NUDT3: variants seen among roughly 807,000 people sequenced by gnomAD.
NUDT3 encodes the protein nudix hydrolase 3.
A neutral mutation model predicts 23.6 loss-of-function variants in NUDT3; 9 were observed. That is an observed-to-expected ratio of 0.38 (90% CI 0.23 to 0.66). NUDT3 has a LOEUF of 0.66. Ranked by LOEUF, NUDT3 falls within the 30% of genes least tolerant of loss-of-function variation. NUDT3 has a pLI of 0.52. For synonymous variants in NUDT3, 86 were observed against 82.6 expected (o/e 1.04, Z -0.22); for missense variants, 172 against 218.5 (o/e 0.79, Z 1.34).
chr6:34,359,353 A>G (rs545708571), intron 1 of NUDT3, among the ~76,000 whole-genome samples: 2 of 152,286 alleles, frequency 1.3e-5, no homozygotes, highest in African/African-American at 4.8e-5. Context: ...AGCCTGGGGG[A>G]CAAGAGCAAG....
chr6:34,316,027 T>G (rs1022872557), intron 2 of NUDT3, among the ~76,000 whole-genome samples: 1 of 152,176 alleles, frequency 6.6e-6, no homozygotes, highest in African/African-American at 2.4e-5. Context: ...TTCAAAAGCC[T>G]GGCTCTTTTC....
intron 2 of NUDT3, among the ~76,000 whole-genome samples, chr6:34,326,880 C>T (rs541541410): frequency 6.0e-4 from 91 of 152,102 alleles, no homozygotes; most frequent in African/African-American, 2.1e-3. Flanking sequence ...GGATTACAGG[C>T]GTGAAATGTA....
At chr6:34,352,323 C>A (rs1471927550) in intron 1 of NUDT3, among the ~76,000 whole-genome samples, 1 of 152,126 alleles carries the variant, frequency 6.6e-6, no homozygotes, top group African/African-American at 2.4e-5. Flanking sequence ...GTGTGCACCA[C>A]CACACCTGGG....
intron 2 of NUDT3, among the ~76,000 whole-genome samples, chr6:34,300,139 G>A (rs376621469): frequency 1.3e-5 from 2 of 152,064 alleles, no homozygotes; most frequent in East Asian, 1.9e-4. Flanking sequence ...GGCTGGATCC[G>A]ATCTTGCTCT....
chr6:34,361,658 G>A (rs1353555954), intron 1 of NUDT3, among the ~76,000 whole-genome samples: 1 of 152,140 alleles, frequency 6.6e-6, no homozygotes, highest in Non-Finnish European at 1.5e-5. Flanking sequence ...GATAAATAAG[G>A]TGTGGTACAA....
intron 2 of NUDT3, among the ~76,000 whole-genome samples, chr6:34,331,636 C>T (rs1455546239): frequency 6.6e-6 from 1 of 152,202 alleles, no homozygotes; most frequent in Admixed American, 6.5e-5. Flanking sequence ...GGCTGTGTCA[C>T]AAACTATCAG....
At chr6:34,378,457 T>C (rs1264215016) in intron 1 of NUDT3, among the ~76,000 whole-genome samples, 3 of 152,204 alleles carry the variant, frequency 2.0e-5, no homozygotes, top group Non-Finnish European at 4.4e-5. Flanking sequence ...AAGTGATATA[T>C]TAGGCAAAGT....
intron 2 of NUDT3, among the ~76,000 whole-genome samples, chr6:34,323,090 G>A (rs925349110): frequency 6.6e-6 from 1 of 152,058 alleles, no homozygotes; most frequent in Non-Finnish European, 1.5e-5. Context: ...TAAACACTGG[G>A]GATTCTAAAA....
intron 1 of NUDT3, among the ~76,000 whole-genome samples, chr6:34,349,649 C>A (rs887907918): frequency 1.3e-5 from 2 of 150,512 alleles, no homozygotes; most frequent in Non-Finnish European, 3.0e-5. Flanking sequence ...AAAGCTCTGG[C>A]CAGAGGATCT....
At chr6:34,369,925 T>C (rs1034247431) in intron 1 of NUDT3, among the ~76,000 whole-genome samples, 2 of 151,802 alleles carry the variant, frequency 1.3e-5, no homozygotes, top group African/African-American at 4.8e-5. Context: ...ATTCATAATC[T>C]TGGGGACAAA....
intron 2 of NUDT3, among the ~76,000 whole-genome samples, chr6:34,336,474 G>T (rs1415129567): frequency 6.6e-6 from 1 of 151,890 alleles, no homozygotes; most frequent in Non-Finnish European, 1.5e-5. Flanking sequence ...GTAATCCCTT[G>T]TTGAATGAGT....
In NUDT3 at chr6:34,286,743, G is replaced by C. The variant is rs1178959257; in HGVS notation, c.*2010C>G. ...CTTTGGCTCTGTGTGTGAAGATTGG[G>C]GGAGAGGATGTAAACTAAGAGTATA... On this transcript the variant is annotated 3_prime_UTR_variant, in exon 5 of 5. Coordinates refer to ENST00000607016, the MANE Select transcript of NUDT3 (RefSeq NM_006703.4). 6.6e-6 allele frequency: 1 copy of C among 150,646 alleles called. No homozygotes were observed. The highest frequency in any genetic ancestry group is 1.5e-5 in the Non-Finnish European group (1 of 67,760). The allele number at this position is 150,646 out of a possible 1,614,324, so 9.3% of individuals were successfully genotyped here.
intron 1 of NUDT3, among the ~76,000 whole-genome samples, chr6:34,378,308 A>T (rs1245882431): frequency 6.6e-6 from 1 of 151,914 alleles, no homozygotes; most frequent in African/African-American, 2.4e-5. Context: ...GACTTGGGGG[A>T]AAAAAAGGAA....
chr6:34,340,006 A>T (rs1354135503), intron 2 of NUDT3, among the ~76,000 whole-genome samples: 1 of 152,218 alleles, frequency 6.6e-6, no homozygotes, highest in Non-Finnish European at 1.5e-5. Flanking sequence ...TAAGCATACA[A>T]AGCAACTCTG....
intron 1 of NUDT3, among the ~76,000 whole-genome samples, chr6:34,357,133 T>C (rs1329820563): frequency 2.6e-5 from 4 of 152,012 alleles, no homozygotes; most frequent in African/African-American, 7.3e-5. Flanking sequence ...TACTGAAAAA[T>C]TACAGATAAA....
Position 34,288,520 on chromosome 6 carries a change from C to A in NUDT3, c.*233G>T. The A allele has an allele frequency of 1.9e-6, 1 of 518,324 alleles. No individual in the cohort carries two copies. 32.1% of individuals were successfully genotyped at this position (518,324 alleles called of 1,614,324 possible). A position where few individuals can be genotyped will look rare whatever the true frequency, so the allele number is the denominator to read the frequency against. On this transcript the variant is annotated 3_prime_UTR_variant, in exon 5 of 5. Coordinates refer to ENST00000607016, the MANE Select transcript of NUDT3 (RefSeq NM_006703.4). ...TGGGAAGAGGGAGGGACAGATCATG[C>A]ACAAAAGTACTTACAAATTACACAC...
At position 34,392,511 on chromosome 6, in the gene NUDT3, C is replaced by G. The variant is rs911816837; in HGVS notation, c.-149G>C. On this transcript the variant is annotated 5_prime_UTR_variant, in exon 1 of 5. Transcript: ENST00000607016. Reference sequence around the variant, plus strand: ...TCCGCTACACGGCTCCGCCGCTGGCCCGCCGCGGCCGCCTCATTCCCCCAG... The same window carrying G: ...TCCGCTACACGGCTCCGCCGCTGGCGCGCCGCGGCCGCCTCATTCCCCCAG... 7 of 502,124 alleles carry G rather than the reference C, an allele frequency of 1.4e-5. No homozygotes were observed. In the African/African-American group the frequency reaches 1.4e-4, roughly 10 times the overall value. The allele number at this position is 502,124 out of a possible 1,614,324, so 31.1% of individuals were successfully genotyped here.
At chr6:34,359,281 G>C (rs1332319523) in intron 1 of NUDT3, among the ~76,000 whole-genome samples, 2 of 152,184 alleles carry the variant, frequency 1.3e-5, no homozygotes, top group Non-Finnish European at 2.9e-5. Context: ...GCTGAGGCAG[G>C]ATAATTGCTT....
chr6:34,357,626 CA>C (rs34996824), intron 1 of NUDT3, among the ~76,000 whole-genome samples: 251 of 122,510 alleles, frequency 2.0e-3, no homozygotes, highest in Middle Eastern at 4.7e-3. Flanking sequence ...CTGCACCCTG[CA>C]AAAAAAAAAA....
Sources: gnomAD v4.1 joint callset for allele counts (sites outside exome capture counted in the v4.1 genomes callset) on GRCh38, gnomAD v4.1.1 for gene constraint, MANE v1.5 for transcripts, NCBI Gene and HGNC (gene_info 2026-07-23, HGNC 2026-07-21) for gene names.